The following NIT2 variants were observed in gnomAD, a reference collection of about 807,000 sequenced individuals.
NIT2 encodes the protein nitrilase family member 2.
In NIT2, 46 loss-of-function variants were observed where a neutral mutation model predicts 42.7. The ratio of observed to expected loss-of-function variants is 1.08; its 90% CI spans 0.85 to 1.38. NIT2 has a LOEUF of 1.38. NIT2 is among the 40% of genes most tolerant of loss of function. The pLI is 0.00. For missense variants in NIT2, 309 were observed against 342.5 expected (o/e 0.90, Z 0.77); for synonymous variants, 123 against 121.9 (o/e 1.01, Z -0.06).
In NIT2 at chr3:100,356,939, CAA is replaced by C. The variant is rs1706330607; in HGVS notation, c.*1674_*1675del. 1 of 152,188 alleles carries C rather than the reference CAA, an allele frequency of 6.6e-6. No homozygotes were observed. The highest frequency in any genetic ancestry group is 2.4e-5 in the African/African-American group (1 of 41,440). The allele number at this position is 152,188 out of a possible 1,614,324, so 9.4% of individuals were successfully genotyped here. On this transcript the variant is annotated 3_prime_UTR_variant, in exon 10 of 10. Transcript: ENST00000394140. The stretch of plus-strand genomic sequence containing the variant: ...GGAACTCAAAATTACTTCTTTCACT[CAA>C]AATCACTCAAAATTACATACTCTGT...
Position 100,337,510 on chromosome 3 carries a change from G to T in NIT2, c.8-1577G>T, listed in dbSNP as rs191508245. On this transcript the variant is annotated intron_variant, in intron 1 of 9. Coordinates refer to ENST00000394140, the MANE Select transcript of NIT2 (RefSeq NM_020202.5). ...ACTCTGTCGTCCAGGCTGGAGTGCA[G>T]TGGCGCGATCTTGGCTCACTGTAAC... 2.7e-3 allele frequency among the ~76,000 whole-genome samples: 405 copies of T among 152,272 alleles called. 1 individual carries two copies. The highest frequency in any genetic ancestry group is 9.2e-3 in the African/African-American group (384 of 41,546).
chr3:100,353,483 T>A (rs1156379372), intron 8 of NIT2, among the ~76,000 whole-genome samples: 1 of 152,308 alleles, frequency 6.6e-6, no homozygotes, highest in Non-Finnish European at 1.5e-5. Flanking sequence ...CTTGGGGACA[T>A]TGAAGGACTA....
At chr3:100,335,116 GGA>G in intron 1 of NIT2, 1 of 427,288 alleles carries the variant, frequency 2.3e-6, no homozygotes, top group Non-Finnish European at 4.5e-6. Context: ...CGCGGTGGTA[GGA>G]TCCAACTCCC....
chr3:100,346,584 T>C (rs1257761062), intron 6 of NIT2, among the ~76,000 whole-genome samples: 3 of 152,128 alleles, frequency 2.0e-5, no homozygotes, highest in Admixed American at 1.3e-4. Context: ...CCCCTAGACA[T>C]TGGGTACAAG....
intron 1 of NIT2, 76 bp from the exon 2 acceptor site, chr3:100,339,011 A>G (rs1706110718): frequency 1.9e-6 from 2 of 1,044,162 alleles, no homozygotes; most frequent in African/African-American, 3.1e-5. Context: ...ACTGCCTTCC[A>G]TTTGAGAACT....
chr3:100,334,881 C>T (rs1241567791), intron 1 of NIT2, 83 bp downstream of exon 1: 7 of 1,191,512 alleles, frequency 5.9e-6, no homozygotes, highest in Non-Finnish European at 7.4e-6. Context: ...GCTCGGCCGG[C>T]TCAGCCCCTC....
At chr3:100,338,660 A>G (rs777838845) in intron 1 of NIT2, among the ~76,000 whole-genome samples, 6 of 152,224 alleles carry the variant, frequency 3.9e-5, no homozygotes, top group African/African-American at 1.2e-4. Flanking sequence ...GCCCATGAAC[A>G]AACAGTAAGG....
chr3:100,352,463 C>T lies in NIT2; in HGVS notation c.644C>T (p.Ser215Phe). 2 of 1,613,608 alleles carry T rather than the reference C, an allele frequency of 1.2e-6. No homozygotes were observed. Among genetic ancestry groups the T allele is most frequent in the African/African-American group, 1.3e-5 (1 of 75,042 alleles). Residue 215 changes from serine (S) to phenylalanine (F), a missense_variant, in exon 8 of 10, where the codon TCC (serine) becomes TTC (phenylalanine). Physicochemically the swap from Ser to Phe is radical, Grantham distance 155 (BLOSUM62 -2). Coordinates refer to ENST00000394140, the MANE Select transcript of NIT2 (RefSeq NM_020202.5). ...TASPARDDKA[S>F]YVAWGHSTVV... ...TCTCCTGCCCGGGATGACAAAGCCT[C>T]CTATGTTGCCTGGGGACACAGCACC...
intron 1 of NIT2, among the ~76,000 whole-genome samples, chr3:100,337,442 A>C (rs966201709): frequency 6.6e-6 from 1 of 152,032 alleles, no homozygotes; most frequent in African/African-American, 2.4e-5. Flanking sequence ...CGAACAAGGA[A>C]AATTATTTAT....
chr3:100,348,763 C>T (rs752655634), intron 6 of NIT2, 40 bp from the exon 7 acceptor site: 5 of 1,537,672 alleles, frequency 3.3e-6, no homozygotes, highest in Middle Eastern at 1.7e-4. Flanking sequence ...TTGTTGAGTG[C>T]TCACTGCATC....
At chr3:100,354,877 G>A (rs2148885349) in intron 9 of NIT2, 50 bp downstream of exon 9, 1 of 1,478,136 alleles carries the variant, frequency 6.8e-7, no homozygotes, top group East Asian at 2.3e-5. Context: ...CCATTGTTCT[G>A]AGGCCAGACT....
chr3:100,349,551 T>C (rs1706253875), intron 7 of NIT2: 1 of 152,368 alleles, frequency 6.6e-6, no homozygotes, highest in South Asian at 2.1e-4. Flanking sequence ...ACAGAGCTTA[T>C]GTCTTCAGAG....
intron 5 of NIT2, 191 bp from the exon 6 acceptor site, chr3:100,345,990 C>T: frequency 1.7e-6 from 1 of 605,908 alleles, no homozygotes; most frequent in Non-Finnish European, 3.0e-6. Context: ...CTTTACTCCG[C>T]TGATGTAAAT....
At chr3:100,340,023 C>T in intron 3 of NIT2, 88 bp downstream of exon 3, 1 of 1,108,138 alleles carries the variant, frequency 9.0e-7, no homozygotes, top group Non-Finnish European at 1.3e-6. Context: ...GTATTCCCTA[C>T]TTGGGAAGCT....
chr3:100,344,930 A>G (rs1449211463), intron 4 of NIT2, among the ~76,000 whole-genome samples: 1 of 142,732 alleles, frequency 7.0e-6, no homozygotes, highest in Non-Finnish European at 1.5e-5. Flanking sequence ...TCAATTTGTC[A>G]GTTTGATTCT....
At position 100,348,808 on chromosome 3, in the gene NIT2, C is replaced by G; in HGVS notation, c.511C>G (p.Gln171Glu). 6.2e-7 allele frequency: 1 copy of G among 1,613,954 alleles called. No individual in the cohort carries two copies. The highest frequency in any genetic ancestry group is 8.5e-7 in the Non-Finnish European group (1 of 1,179,844). Residue 171 changes from glutamine (Q) to glutamate (E), a missense_variant, in exon 7 of 10, where the codon CAG (glutamine) becomes GAG (glutamate). Transcript: ENST00000394140. ...LAQIYAQRGC[Q>E]LLVYPGAFNL... ...TTGGCTTTTCTCTCCCCAAGGCTGC[C>G]AGCTGTTGGTATATCCAGGAGCTTT...
At chr3:100,346,709 A>G (rs896307567) in intron 6 of NIT2, among the ~76,000 whole-genome samples, 9 of 152,332 alleles carry the variant, frequency 5.9e-5, no homozygotes, top group African/African-American at 1.9e-4. Context: ...TAATTGGCAC[A>G]GTACTTTGCT....
At chr3:100,348,755 G>C (rs990973643) in intron 6 of NIT2, 48 bp from the exon 7 acceptor site, 2 of 1,477,188 alleles carry the variant, frequency 1.4e-6, no homozygotes, top group African/African-American at 2.8e-5. Flanking sequence ...GACTGGTTTT[G>C]TTGAGTGCTC....
At position 100,334,785 on chromosome 3, in the gene NIT2, CAG is replaced by C. The variant is rs1706047139; in HGVS notation, c.-4_-3del. ...CCGCGCCGCAGGTGGTGCTTGTCTG[CAG>C]AGTCATGACCTGTAAGTGGCGCGGC... On this transcript the variant is annotated 5_prime_UTR_variant, in exon 1 of 10. Coordinates refer to ENST00000394140, the MANE Select transcript of NIT2 (RefSeq NM_020202.5). The C allele has an allele frequency of 1.1e-5, 14 of 1,300,220 alleles. No individual in the cohort carries two copies. The highest frequency in any genetic ancestry group is 1.3e-5 in the Non-Finnish European group (13 of 1,018,158). 80.5% of individuals were successfully genotyped at this position (1,300,220 alleles called of 1,614,324 possible).
Sources: allele counts gnomAD v4.1 joint callset (sites outside exome capture counted in the v4.1 genomes callset), GRCh38; gene constraint gnomAD v4.1.1; transcripts MANE v1.5; gene names NCBI Gene and HGNC (gene_info 2026-07-23, HGNC 2026-07-21).